Variants in ZNF141 observed in about 807,000 individuals in gnomAD.
ZNF141 encodes zinc finger protein 141 (clone pHZ-44).
In ZNF141, 7 loss-of-function variants were observed where a neutral mutation model predicts 11.3. The ratio of observed to expected loss-of-function variants is 0.62; its 90% confidence interval spans 0.35 to 1.16. The LOEUF (loss-of-function observed/expected upper bound fraction) is 1.16, where lower values mean the gene tolerates loss of function less well. ZNF141 is among the 50% of genes most tolerant of loss of function. The pLI is 0.02. For missense variants in ZNF141, 535 were observed against 554.0 expected, an observed-to-expected ratio of 0.97 and a Z score of 0.34; for synonymous variants, 183 against 190.7, an observed-to-expected ratio of 0.96 and a Z score of 0.33.
At chr4:369,772 T>A (rs369262658) in intron 3 of ZNF141, among the ~76,000 whole-genome samples, 64 of 76,984 alleles carry the variant, frequency 8.3e-4, no homozygotes, top group East Asian at 6.1e-3. Context: ...ATATTTTTTT[T>A]TTTTTTTTTT....
At chr4:353,939 A>G (rs1327812650) in intron 3 of ZNF141, among the ~76,000 whole-genome samples, 9 of 152,190 alleles carry the variant, frequency 5.9e-5, no homozygotes, top group Non-Finnish European at 1.3e-4. Context: ...AAGCAATGGT[A>G]TGGCCGTGCT....
rs1553847752 is a variant in ZNF141, at chr4:337,823, T to C, written c.-161T>C. 1.4e-5 allele frequency: 12 copies of C among 885,152 alleles called. No homozygotes were observed. Among genetic ancestry groups the C allele is most frequent in the East Asian group, 8.6e-5 (3 of 34,980 alleles). 54.8% of individuals were successfully genotyped at this position (885,152 alleles called of 1,614,324 possible). A position where few individuals can be genotyped will look rare whatever the true frequency, so the allele number is the denominator to read the frequency against. ...CCGGGATGTGGCGCGGGTCTTTGCGTCTGGCTACTACCAGACCGCGGGTTA... is the reference window on the plus strand; with the variant it reads ...CCGGGATGTGGCGCGGGTCTTTGCGCCTGGCTACTACCAGACCGCGGGTTA... On this transcript the variant is annotated 5_prime_UTR_variant, in exon 1 of 4. Coordinates refer to ENST00000240499, the MANE Select transcript of ZNF141 (RefSeq NM_003441.4).
rs1462279242 is a variant in ZNF141, at chr4:378,728, A to ACAGTTTT, written c.*4869_*4875dup. ...TTTTAGTGGATGCATTTCATGGGCT[A>ACAGTTTT]CAGTTTTCATTTTTACTCACCTAAC... On this transcript the variant is annotated 3_prime_UTR_variant, in exon 4 of 4. Coordinates refer to ENST00000240499, the MANE Select transcript of ZNF141 (RefSeq NM_003441.4). Among the ~76,000 whole-genome samples the ACAGTTTT allele has an allele frequency of 6.6e-6, 1 of 151,456 alleles. No homozygotes were observed. Among genetic ancestry groups the ACAGTTTT allele is most frequent in the Non-Finnish European group, 1.5e-5 (1 of 67,988 alleles).
chr4:369,325 G>C (rs896766010), intron 3 of ZNF141, among the ~76,000 whole-genome samples: 2 of 152,026 alleles, frequency 1.3e-5, no homozygotes, highest in Non-Finnish European at 2.9e-5. Flanking sequence ...GACTTAAGAT[G>C]TACTTTGTGT....
intron 3 of ZNF141, among the ~76,000 whole-genome samples, chr4:364,495 T>G (rs1409418625): frequency 1.3e-5 from 2 of 152,236 alleles, no homozygotes; most frequent in African/African-American, 4.8e-5. Flanking sequence ...ATTTATAATA[T>G]TCTCTGATGG....
chr4:341,661 A>G (rs1478223039), intron 1 of ZNF141, among the ~76,000 whole-genome samples: 4 of 150,968 alleles, frequency 2.6e-5, no homozygotes, highest in Non-Finnish European at 5.9e-5. Context: ...CCTAGGGCCC[A>G]CTTTCTGTCC....
Position 384,170 on chromosome 4 carries a change from T to G in ZNF141, c.*10308T>G, listed in dbSNP as rs557905936. On this transcript the variant is annotated 3_prime_UTR_variant, in exon 4 of 4. Coordinates refer to ENST00000240499, the MANE Select transcript of ZNF141 (RefSeq NM_003441.4). ...AAACACACAGTTCCAGCCTGGCAATTAGGTCCAAAGATAAATAGCAAAACA... is the reference window on the plus strand; with the variant it reads ...AAACACACAGTTCCAGCCTGGCAATGAGGTCCAAAGATAAATAGCAAAACA... 16 of 152,290 alleles carry G rather than the reference T, an allele frequency of 1.1e-4. No homozygotes were observed. The highest frequency in any genetic ancestry group is 3.9e-4 in the African/African-American group (16 of 41,532). 9.4% of individuals were successfully genotyped at this position (152,290 alleles called of 1,614,324 possible). A position where few individuals can be genotyped will look rare whatever the true frequency, so the allele number is the denominator to read the frequency against.
At chr4:348,027 G>T (rs752353289) in intron 3 of ZNF141, among the ~76,000 whole-genome samples, 2 of 151,554 alleles carry the variant, frequency 1.3e-5, no homozygotes, top group Non-Finnish European at 2.9e-5. Context: ...TGTATTTTTA[G>T]TAGAGACGAG....
At chr4:358,617 T>G (rs1721963024) in intron 3 of ZNF141, 1 of 154,622 alleles carries the variant, frequency 6.5e-6, no homozygotes, top group Non-Finnish European at 1.4e-5. Flanking sequence ...CTTGTTCTGT[T>G]GCCAAGCTGG....
intron 3 of ZNF141, among the ~76,000 whole-genome samples, chr4:355,183 T>TTTTA (rs1254809496): frequency 4.6e-5 from 7 of 151,732 alleles, no homozygotes; most frequent in Non-Finnish European, 5.9e-5. Context: ...CTTTATTTTA[T>TTTTA]TTTATTTATT....
Position 383,052 on chromosome 4 carries a change from G to A in ZNF141, c.*9190G>A. The A allele has an allele frequency of 1.6e-6, 1 of 635,284 alleles. No homozygotes were observed. The highest frequency in any genetic ancestry group is 2.8e-5 in the East Asian group (1 of 36,024). The allele number at this position is 635,284 out of a possible 1,614,324, so 39.4% of individuals were successfully genotyped here. A position where few individuals can be genotyped will look rare whatever the true frequency, so the allele number is the denominator to read the frequency against. ...CACTGGCACAGGGTGCCAGTTTGGG[G>A]CCCAGGTTTAAAGGTCCTAAATGCT... On this transcript the variant is annotated 3_prime_UTR_variant, in exon 4 of 4. Coordinates refer to ENST00000240499, the MANE Select transcript of ZNF141 (RefSeq NM_003441.4).
intron 3 of ZNF141, among the ~76,000 whole-genome samples, chr4:356,509 T>C (rs1261280049): frequency 6.6e-6 from 1 of 151,956 alleles, no homozygotes; most frequent in African/African-American, 2.4e-5. Flanking sequence ...GTATTTTTTG[T>C]AGAGTTGGGG....
chr4:373,863 G>T lies in ZNF141; in HGVS notation c.*1G>T. 1 of 1,595,956 alleles carries T rather than the reference G, an allele frequency of 6.3e-7. No homozygotes were observed. The highest frequency in any genetic ancestry group is 1.1e-5 in the South Asian group (1 of 88,916). On this transcript the variant is annotated 3_prime_UTR_variant, in exon 4 of 4. Transcript: ENST00000240499. ...TAAACATAAGAAAATTCATACTTGAGAGAAATCCTACAAATGTAAAGAATG... is the reference window on the plus strand; with the variant it reads ...TAAACATAAGAAAATTCATACTTGATAGAAATCCTACAAATGTAAAGAATG...
intron 3 of ZNF141, among the ~76,000 whole-genome samples, chr4:371,580 C>T (rs1285930133): frequency 6.7e-6 from 1 of 148,702 alleles, no homozygotes. Context: ...CGCTGTGTCT[C>T]CCAGGCTGGA....
chr4:369,755 TATATA>T (rs1711946096), intron 3 of ZNF141, among the ~76,000 whole-genome samples: 1 of 50,112 alleles, frequency 2.0e-5, no homozygotes, highest in Non-Finnish European at 4.2e-5. Context: ...TATATATATA[TATATA>T]TATATTTTTT....
In ZNF141 at chr4:377,092, T is replaced by C. The variant is rs1553854770; in HGVS notation, c.*3230T>C. ...GTTATTTTAGTTAGAACATTTCATT[T>C]TGTTGTTTTAATTTAAGAACCCTAT... is the stretch of plus-strand genomic sequence containing the variant. On this transcript the variant is annotated 3_prime_UTR_variant, in exon 4 of 4. Transcript: ENST00000240499. Among the ~76,000 whole-genome samples, 1 of 152,222 alleles carries C rather than the reference T, an allele frequency of 6.6e-6. No homozygotes were observed. The highest frequency in any genetic ancestry group is 2.4e-5 in the African/African-American group (1 of 41,468).
intron 3 of ZNF141, among the ~76,000 whole-genome samples, chr4:354,367 AG>A (rs1721750812): frequency 6.6e-6 from 1 of 152,234 alleles, no homozygotes; most frequent in Non-Finnish European, 1.5e-5. Flanking sequence ...GGTTTCTATG[AG>A]TTCAAGGCAA....
intron 1 of ZNF141, among the ~76,000 whole-genome samples, chr4:339,156 C>T (rs1187193954): frequency 1.3e-5 from 2 of 152,252 alleles, no homozygotes; most frequent in Non-Finnish European, 2.9e-5. Flanking sequence ...GTGCCCATGG[C>T]AGCTTTGCTC....
intron 3 of ZNF141, among the ~76,000 whole-genome samples, chr4:364,656 A>C (rs532541643): frequency 1.1e-4 from 16 of 152,242 alleles, no homozygotes; most frequent in African/African-American, 3.4e-4. Flanking sequence ...TCACCAGCAG[A>C]GACTGCAGAG....
Sources: gnomAD v4.1 joint callset for allele counts (sites outside exome capture counted in the v4.1 genomes callset) on GRCh38, gnomAD v4.1.1 for gene constraint, MANE v1.5 for transcripts, NCBI Gene and HGNC (gene_info 2026-07-23, HGNC 2026-07-21) for gene names.